TRIM32: variants seen among roughly 807,000 people sequenced by gnomAD.
TRIM32 encodes the protein E3 ubiquitin-protein ligase TRIM32.
Under a neutral mutation model 36.0 loss-of-function variants are expected in TRIM32, and 19 were observed. The observed-to-expected ratio is 0.53, with a 90% CI of 0.37 to 0.77. The LOEUF (loss-of-function observed/expected upper bound fraction) is 0.77. Among genes scored for constraint, TRIM32 ranks in the 30% least tolerant of loss-of-function variants. The pLI is 0.00. For missense variants in TRIM32, 747 were observed against 845.2 expected (o/e 0.88, Z 1.44); for synonymous variants, 309 against 318.5 (o/e 0.97, Z 0.32).
intron 1 of TRIM32, among the ~76,000 whole-genome samples, chr9:116,687,906 G>T (rs1181304574): frequency 6.6e-6 from 1 of 151,978 alleles, no homozygotes; most frequent in Non-Finnish European, 1.5e-5. Flanking sequence ...TGGGCTGAGG[G>T]TGAGATTGAG....
intron 1 of TRIM32, among the ~76,000 whole-genome samples, chr9:116,691,801 GT>G (rs375637102): frequency 1.3e-5 from 2 of 152,224 alleles, no homozygotes; most frequent in African/African-American, 4.8e-5. Flanking sequence ...TGGTGGCACA[GT>G]GATAGTTTTG....
Position 116,698,936 on chromosome 9 carries a change from T to C in TRIM32, c.1194T>C (p.Phe398=), listed in dbSNP as rs980926202. The C allele has an allele frequency of 4.3e-6, 7 of 1,614,196 alleles. No individual in the cohort carries two copies. The African/African-American group carries it at 5.3e-5, about 12-fold the overall frequency. ...ADRGNYRIQV[F]TRKGFLKEIR... ...GTGGTAACTATCGTATACAAGTCTT[T>C]ACCCGCAAAGGCTTTTTGAAGGAAA... Residue 398 remains phenylalanine, a synonymous_variant, in exon 2 of 2, where the codon TTT becomes TTC. Transcript: ENST00000450136. The surrounding 1 kb of genome is among the most constrained non-coding windows in gnomAD (Gnocchi z 4.4).
At chr9:116,691,830 G>A (rs1025447318) in intron 1 of TRIM32, among the ~76,000 whole-genome samples, 2 of 152,152 alleles carry the variant, frequency 1.3e-5, no homozygotes, top group South Asian at 4.1e-4. Context: ...TTAGCATTCT[G>A]TTAGAATGCA....
chr9:116,692,104 A>G (rs1186043690), intron 1 of TRIM32, among the ~76,000 whole-genome samples: 1 of 152,210 alleles, frequency 6.6e-6, no homozygotes, highest in Non-Finnish European at 1.5e-5. Context: ...AATTGCTTAA[A>G]GTTCTCCAGT....
chr9:116,696,065 C>T (rs1564213754), intron 1 of TRIM32, among the ~76,000 whole-genome samples: 1 of 152,122 alleles, frequency 6.6e-6, no homozygotes, highest in Non-Finnish European at 1.5e-5. Context: ...CCATTATCCC[C>T]GTCTTCTCTG....
Position 116,698,904 on chromosome 9 carries a change from G to A in TRIM32, c.1162G>A (p.Ala388Thr), listed in dbSNP as rs886042328. 6.8e-6 allele frequency: 11 copies of A among 1,614,060 alleles called. No homozygotes were observed. Among genetic ancestry groups the A allele is most frequent in the South Asian group, 1.1e-5 (1 of 91,076 alleles). ...GACCAGTCAAGGTGAAGTACTAGTC[G>A]CTGACCGTGGTAACTATCGTATACA... ...YVTSQGEVLVADRGNYRIQVF... is the reference protein window; with the variant it reads ...YVTSQGEVLVTDRGNYRIQVF... Residue 388 changes from alanine (A) to threonine (T), a missense_variant, in exon 2 of 2, where the codon GCT becomes ACT. By Grantham distance (58) the Ala-to-Thr change is moderately conservative. Coordinates refer to ENST00000450136, the MANE Select transcript of TRIM32 (RefSeq NM_012210.4). The surrounding 1 kb of genome is among the most constrained non-coding windows in gnomAD (Gnocchi z 4.4).
chr9:116,698,338 T>C lies in TRIM32; in HGVS notation c.596T>C (p.Leu199Pro). 6.2e-7 allele frequency: 1 copy of C among 1,614,146 alleles called. No individual in the cohort carries two copies. Among genetic ancestry groups the C allele is most frequent in the Non-Finnish European group, 8.5e-7 (1 of 1,180,028 alleles). ...GHEERRVQDE[L>P]ARSRKFFTGS... ...GAGGAGCGCAGGGTCCAGGATGAGC[T>C]GGCTCGCTCTCGGAAGTTCTTCACA... is the stretch of plus-strand genomic sequence containing the variant. Residue 199 changes from leucine to proline, a missense_variant, in exon 2 of 2, where the codon CTG (leucine) becomes CCG (proline). Coordinates refer to ENST00000450136, the MANE Select transcript of TRIM32 (RefSeq NM_012210.4). The surrounding 1 kb of genome is among the most constrained non-coding windows in gnomAD (Gnocchi z 4.4).
intron 1 of TRIM32, among the ~76,000 whole-genome samples, chr9:116,696,699 T>G (rs567071452): frequency 6.6e-6 from 1 of 152,346 alleles, no homozygotes; most frequent in African/African-American, 2.4e-5. Flanking sequence ...CTACATGTCT[T>G]GTCTTTTATA....
intron 1 of TRIM32, chr9:116,697,282 G>A (rs1396804285): frequency 6.0e-6 from 1 of 168,052 alleles, no homozygotes; most frequent in Non-Finnish European, 1.3e-5. Context: ...CTACTTCCCT[G>A]GTGCTATACT....
At chr9:116,694,525 G>A (rs890488205) in intron 1 of TRIM32, among the ~76,000 whole-genome samples, 2 of 146,186 alleles carry the variant, frequency 1.4e-5, no homozygotes, top group African/African-American at 2.6e-5. Flanking sequence ...GCAGTGGCGC[G>A]TCTCGGCTCA....
intron 1 of TRIM32, among the ~76,000 whole-genome samples, chr9:116,696,959 A>AG (rs1157820626): frequency 2.6e-5 from 4 of 151,616 alleles, no homozygotes; most frequent in Middle Eastern, 3.4e-3. Flanking sequence ...TTAAAAAAAA[A>AG]AAAAAAAGCC....
chr9:116,693,424 C>T (rs148469577), intron 1 of TRIM32, among the ~76,000 whole-genome samples: 90 of 152,146 alleles, frequency 5.9e-4, no homozygotes, highest in African/African-American at 2.0e-3. Context: ...CTAGAAGAGG[C>T]GAGATTAATA....
chr9:116,697,500 CCTAT>C lies in TRIM32; in HGVS notation c.-81-159_-81-156del, dbSNP rs759526539. ...TGCAGTGTTTTGTCTGGTTTGTTTC[CCTAT>C]CTGTCACCCTCACGTGACATATAAT... On this transcript the variant is annotated intron_variant, in intron 1 of 1. Coordinates refer to ENST00000450136, the MANE Select transcript of TRIM32 (RefSeq NM_012210.4). 664 of 521,066 alleles carry C rather than the reference CCTAT, an allele frequency of 1.3e-3. 1 individual carries two copies. Among genetic ancestry groups the C allele is most frequent in the Non-Finnish European group, 1.9e-3 (556 of 290,570 alleles). The allele number at this position is 521,066 out of a possible 1,614,324, so 32.3% of individuals were successfully genotyped here.
Position 116,697,924 on chromosome 9 carries a change from G to A in TRIM32, c.182G>A (p.Cys61Tyr). The change falls in exon 2 of 2, where the codon TGT (cysteine) becomes TAT (tyrosine). Residue 61 changes from cysteine (C) to tyrosine (Y), a missense_variant. Physicochemically the swap from Cys to Tyr is radical, Grantham distance 194 (BLOSUM62 -2). Transcript: ENST00000450136. The stretch of plus-strand genomic sequence containing the variant: ...GCCAGTAGCATCAATGGTGTCCGCT[G>A]TCCCTTTTGCAGCAAGATTACCCGC... Reference protein sequence around the residue: ...LLASSINGVRCPFCSKITRIT... With the variant: ...LLASSINGVRYPFCSKITRIT... 1 of 1,614,190 alleles carries A rather than the reference G, an allele frequency of 6.2e-7. No individual in the cohort carries two copies. Among genetic ancestry groups the A allele is most frequent in the Non-Finnish European group, 8.5e-7 (1 of 1,180,044 alleles).
chr9:116,698,860 T>C lies in TRIM32; in HGVS notation c.1118T>C (p.Leu373Pro). ...AKGSTPGMFN[L>P]PVSLYVTSQG... Reference sequence around the variant, plus strand: ...GGCAGCACTCCAGGAATGTTCAATCTTCCAGTCAGTCTCTACGTGACCAGT... The same window carrying C: ...GGCAGCACTCCAGGAATGTTCAATCCTCCAGTCAGTCTCTACGTGACCAGT... Residue 373 changes from leucine (L) to proline (P), a missense_variant, in exon 2 of 2, where the codon CTT becomes CCT. Transcript: ENST00000450136. The surrounding 1 kb of genome is among the most constrained non-coding windows in gnomAD (Gnocchi z 4.4). 1 of 1,614,220 alleles carries C rather than the reference T, an allele frequency of 6.2e-7. No homozygotes were observed. The highest frequency in any genetic ancestry group is 1.1e-5 in the South Asian group (1 of 91,080).
intron 1 of TRIM32, among the ~76,000 whole-genome samples, chr9:116,691,867 A>G (rs956795484): frequency 6.6e-6 from 1 of 152,250 alleles, no homozygotes; most frequent in African/African-American, 2.4e-5. Flanking sequence ...GAAAGCTGAC[A>G]TAAAAGGAAA....
intron 1 of TRIM32, among the ~76,000 whole-genome samples, chr9:116,690,383 T>G (rs1860503947): frequency 6.6e-6 from 1 of 152,234 alleles, no homozygotes; most frequent in African/African-American, 2.4e-5. Flanking sequence ...AACCCAGTTC[T>G]GTCTTACACC....
At position 116,697,717 on chromosome 9, in the gene TRIM32, T is replaced by A; in HGVS notation, c.-26T>A. 6.2e-7 allele frequency: 1 copy of A among 1,613,216 alleles called. No homozygotes were observed. ...TGTGCTGTTCAGTTCTGAGCTGTGC[T>A]AGCAATACCCTTCAAAGGAAGAGCA... On this transcript the variant is annotated 5_prime_UTR_variant, in exon 2 of 2. The change abolishes the stop of an existing upstream ORF in the 5' untranslated region. Transcript: ENST00000450136.
chr9:116,692,105 G>A (rs1476501257), intron 1 of TRIM32, among the ~76,000 whole-genome samples: 4 of 152,190 alleles, frequency 2.6e-5, no homozygotes, highest in Non-Finnish European at 5.9e-5. Flanking sequence ...ATTGCTTAAA[G>A]TTCTCCAGTT....
Sources: allele counts gnomAD v4.1 joint callset (sites outside exome capture counted in the v4.1 genomes callset), GRCh38; gene constraint gnomAD v4.1.1; non-coding constraint Gnocchi (gnomAD v3.1); transcripts MANE v1.5; gene names NCBI Gene and HGNC (gene_info 2026-07-23, HGNC 2026-07-21).